PHACTR1: variants seen among roughly 807,000 people sequenced by gnomAD.
PHACTR1 encodes the protein phosphatase and actin regulator 1, also known as RPEL repeat containing 1.
A neutral mutation model predicts 69.2 loss-of-function variants in PHACTR1; 16 were observed. That is an observed-to-expected ratio of 0.23 (90% CI 0.16 to 0.35). The LOEUF is 0.35. Among genes scored for constraint, PHACTR1 ranks in the 10% least tolerant of loss-of-function variants. The pLI is 1.00. For missense variants in PHACTR1, 510 were observed against 734.7 expected, an observed-to-expected ratio of 0.69 and a Z score of 3.54; for synonymous variants, 312 against 284.5, an observed-to-expected ratio of 1.10 and a Z score of -0.97.
chr6:12,960,122 A>G (rs1792502916), intron 4 of PHACTR1, among the ~76,000 whole-genome samples: 1 of 152,208 alleles, frequency 6.6e-6, no homozygotes, highest in Non-Finnish European at 1.5e-5. Flanking sequence ...AGTGACATTG[A>G]GAAAGTTTGT....
intron 3 of PHACTR1, among the ~76,000 whole-genome samples, chr6:12,735,983 C>G (rs13202940): frequency 2.0e-5 from 3 of 152,166 alleles, no homozygotes; most frequent in Non-Finnish European, 2.9e-5. Flanking sequence ...CAAAAGGGAA[C>G]AAATATCAGA....
At chr6:12,804,148 A>G (rs2127682368) in intron 4 of PHACTR1, among the ~76,000 whole-genome samples, 1 of 152,348 alleles carries the variant, frequency 6.6e-6, no homozygotes, top group East Asian at 1.9e-4. Flanking sequence ...ATTATCTGGT[A>G]CCATCTTGTG....
chr6:12,795,189 G>T (rs1314422876), intron 4 of PHACTR1, among the ~76,000 whole-genome samples: 2 of 152,030 alleles, frequency 1.3e-5, no homozygotes, highest in African/African-American at 4.8e-5. Context: ...TAAAAACCAA[G>T]AAATAATTTA....
At chr6:12,933,172 G>A (rs1469481675) in intron 4 of PHACTR1, among the ~76,000 whole-genome samples, 1 of 151,870 alleles carries the variant, frequency 6.6e-6, no homozygotes, top group Non-Finnish European at 1.5e-5. Flanking sequence ...CGGACCTCAG[G>A]TTATCCCTTA....
At position 13,162,540 on chromosome 6, in the gene PHACTR1, G is replaced by A. The variant is rs534893646; in HGVS notation, c.496+2256G>A. ...CTAAAGGTATAATATTATATAATAA[G>A]CACCCGAGTGCTTAAATAAATATTA... On this transcript the variant is annotated intron_variant, in intron 6 of 14. Transcript: ENST00000332995. Among the ~76,000 whole-genome samples, 14 of 152,160 alleles carry A rather than the reference G, an allele frequency of 9.2e-5. No homozygotes were observed. In the East Asian group the frequency reaches 2.7e-3, roughly 29 times the overall value.
At chr6:12,959,203 A>AAAAAAAAAG (rs1792357732) in intron 4 of PHACTR1, among the ~76,000 whole-genome samples, 1 of 75,994 alleles carries the variant, frequency 1.3e-5, no homozygotes. Context: ...AAAGAAAAGA[A>AAAAAAAAAG]AAAAAAAAGA....
chr6:12,843,218 G>A (rs565889342), intron 4 of PHACTR1, among the ~76,000 whole-genome samples: 16 of 152,304 alleles, frequency 1.1e-4, no homozygotes, highest in African/African-American at 3.8e-4. Flanking sequence ...GAAAATAAAA[G>A]TTATTTCTGT....
At chr6:12,838,677 A>G (rs2127739219) in intron 4 of PHACTR1, among the ~76,000 whole-genome samples, 1 of 152,344 alleles carries the variant, frequency 6.6e-6, no homozygotes, top group East Asian at 1.9e-4. Flanking sequence ...ACTCTAAATC[A>G]ATGAGTACAA....
At chr6:12,785,459 G>A (rs552701334) in intron 4 of PHACTR1, among the ~76,000 whole-genome samples, 1 of 152,312 alleles carries the variant, frequency 6.6e-6, no homozygotes, top group East Asian at 1.9e-4. Flanking sequence ...ATGCCTGGAT[G>A]TCTTGAAGCA....
At chr6:12,732,711 T>G (rs1195952762) in intron 3 of PHACTR1, among the ~76,000 whole-genome samples, 2 of 152,254 alleles carry the variant, frequency 1.3e-5, no homozygotes, top group Non-Finnish European at 2.9e-5. Context: ...TTTTCTAACT[T>G]AAATCAAGCT....
At chr6:12,950,784 A>C (rs1325404207) in intron 4 of PHACTR1, among the ~76,000 whole-genome samples, 1 of 152,192 alleles carries the variant, frequency 6.6e-6, no homozygotes, top group Non-Finnish European at 1.5e-5. Context: ...TACGAAACAG[A>C]GGCTAACTCA....
intron 8 of PHACTR1, among the ~76,000 whole-genome samples, chr6:13,222,366 C>T (rs947725406): frequency 7.2e-5 from 11 of 152,182 alleles, no homozygotes; most frequent in Non-Finnish European, 1.6e-4. Flanking sequence ...ACTCAAGCGT[C>T]AGCCTGGAGC....
intron 10 of PHACTR1, among the ~76,000 whole-genome samples, chr6:13,263,006 A>G (rs1340180966): frequency 6.6e-6 from 1 of 152,216 alleles, no homozygotes; most frequent in African/African-American, 2.4e-5. Flanking sequence ...GGTGTTCTGG[A>G]AACGGCAGAA....
chr6:12,970,415 A>G (rs1175447516), intron 4 of PHACTR1, among the ~76,000 whole-genome samples: 7 of 152,162 alleles, frequency 4.6e-5, no homozygotes, highest in African/African-American at 9.7e-5. Context: ...TAAATATTAA[A>G]CCCAAAGGGA....
At chr6:12,758,480 A>AG (rs1767630695) in intron 4 of PHACTR1, among the ~76,000 whole-genome samples, 1 of 151,834 alleles carries the variant, frequency 6.6e-6, no homozygotes, top group Admixed American at 6.6e-5. Context: ...AAAAAAAAAA[A>AG]AAAAAAGGGC....
intron 4 of PHACTR1, among the ~76,000 whole-genome samples, chr6:12,872,973 T>G (rs909821912): frequency 1.3e-5 from 2 of 151,840 alleles, no homozygotes; most frequent in Non-Finnish European, 2.9e-5. Flanking sequence ...CTTCCTTGCT[T>G]CCTTCCTTCC....
chr6:12,822,519 C>G (rs1776335355), intron 4 of PHACTR1, among the ~76,000 whole-genome samples: 1 of 152,206 alleles, frequency 6.6e-6, no homozygotes, highest in Non-Finnish European at 1.5e-5. Context: ...CTGCCACGGT[C>G]AGAAGAAACC....
chr6:12,828,202 A>G (rs17679286), intron 4 of PHACTR1, among the ~76,000 whole-genome samples: 7,368 of 152,286 alleles, frequency 0.048, 287 homozygotes, highest in Admixed American at 0.094. Context: ...AGATCATAAA[A>G]TTCTCGGCTT....
intron 7 of PHACTR1, among the ~76,000 whole-genome samples, chr6:13,190,018 T>C (rs1322066960): frequency 1.5e-5 from 2 of 133,626 alleles, no homozygotes; most frequent in South Asian, 2.4e-4. Flanking sequence ...CTGATATCTC[T>C]TCTGCTTTTT....
Sources: allele counts gnomAD v4.1 joint callset (sites outside exome capture counted in the v4.1 genomes callset), GRCh38; gene constraint gnomAD v4.1.1; transcripts MANE v1.5; gene names NCBI Gene and HGNC (gene_info 2026-07-23, HGNC 2026-07-21).